Variants in ADARB2 observed in about 807,000 individuals in gnomAD.
ADARB2 encodes inactive double-stranded RNA-specific editase B2.
A neutral mutation model predicts 62.2 loss-of-function variants in ADARB2; 25 were observed. The observed-to-expected ratio is 0.40, with a 90% confidence interval of 0.29 to 0.56. ADARB2 has a LOEUF of 0.56. Ranked by LOEUF, ADARB2 falls within the 20% of genes least tolerant of loss-of-function variation. The pLI, the probability that ADARB2 is intolerant of heterozygous loss-of-function variation, is 0.43. For synonymous variants in ADARB2, 572 were observed against 500.8 expected (o/e 1.14, Z -1.90); for missense variants, 1,071 against 1,077.4 (o/e 0.99, Z 0.08).
intron 1 of ADARB2, among the ~76,000 whole-genome samples, chr10:1,599,619 G>C (rs1375799260): frequency 1.3e-5 from 2 of 152,226 alleles, no homozygotes; most frequent in African/African-American, 4.8e-5. Context: ...AACCCTCCCA[G>C]TTGGACTTTA....
chr10:1,259,624 C>T (rs999116023), intron 4 of ADARB2, among the ~76,000 whole-genome samples: 4 of 152,202 alleles, frequency 2.6e-5, no homozygotes, highest in African/African-American at 9.6e-5. Context: ...TCTGAATAGA[C>T]CAATAACAGG....
intron 1 of ADARB2, among the ~76,000 whole-genome samples, chr10:1,517,788 G>A (rs765436385): frequency 1.2e-4 from 19 of 152,088 alleles, no homozygotes; most frequent in Admixed American, 5.2e-4. Context: ...GTCTTCGGTC[G>A]TATGATCAGC....
intron 8 of ADARB2, among the ~76,000 whole-genome samples, chr10:1,185,545 A>T (rs1431231090): frequency 6.6e-6 from 1 of 152,216 alleles, no homozygotes; most frequent in Non-Finnish European, 1.5e-5. Flanking sequence ...TGAGTGTAGG[A>T]TCAATTGATC....
At chr10:1,661,817 A>G (rs1834252136) in intron 1 of ADARB2, among the ~76,000 whole-genome samples, 1 of 152,190 alleles carries the variant, frequency 6.6e-6, no homozygotes, top group African/African-American at 2.4e-5. Context: ...AAATTTCCCA[A>G]GTGCAAAGGG....
At chr10:1,361,093 G>A (rs1185160933) in intron 3 of ADARB2, 1 of 152,232 alleles carries the variant, frequency 6.6e-6, no homozygotes, top group African/African-American at 2.4e-5. Context: ...ATGGGTGGTG[G>A]GGCTTCTCAG....
chr10:1,472,970 C>T (rs1831346392), intron 1 of ADARB2, among the ~76,000 whole-genome samples: 1 of 152,142 alleles, frequency 6.6e-6, no homozygotes, highest in African/African-American at 2.4e-5. Context: ...ATGCTTGGGA[C>T]TGGTGATCAG....
intron 1 of ADARB2, among the ~76,000 whole-genome samples, chr10:1,681,514 G>A (rs889278123): frequency 6.6e-6 from 1 of 151,912 alleles, no homozygotes; most frequent in African/African-American, 2.4e-5. Flanking sequence ...CCAGGAATTA[G>A]GCCACCTAGA....
At chr10:1,510,493 T>C (rs1160052653) in intron 1 of ADARB2, among the ~76,000 whole-genome samples, 1 of 152,162 alleles carries the variant, frequency 6.6e-6, no homozygotes, top group Non-Finnish European at 1.5e-5. Context: ...AGAAGTGATT[T>C]CTGGCTGTTG....
Position 1,481,652 on chromosome 10 carries a change from T to A in ADARB2, c.101-102492A>T, listed in dbSNP as rs539487780. Among the ~76,000 whole-genome samples the A allele has an allele frequency of 1.5e-4, 23 of 149,496 alleles. No individual in the cohort carries two copies. The South Asian group carries it at 2.3e-3, about 15-fold the overall frequency. On this transcript the variant is annotated intron_variant, in intron 1 of 9. Transcript: ENST00000381312. ...AGTGTGCGGATCACGAGGTCAGGAGTTCAAGACCAGCCTGGCCAACATGGT... is the reference window on the plus strand; with the variant it reads ...AGTGTGCGGATCACGAGGTCAGGAGATCAAGACCAGCCTGGCCAACATGGT...
At chr10:1,251,797 TCAGA>T (rs1831039810) in intron 4 of ADARB2, among the ~76,000 whole-genome samples, 1 of 152,070 alleles carries the variant, frequency 6.6e-6, no homozygotes, top group South Asian at 2.1e-4. Flanking sequence ...AAAAGAGACT[TCAGA>T]CAGAGTCCAG....
chr10:1,604,145 C>T (rs187043396), intron 1 of ADARB2, among the ~76,000 whole-genome samples: 6 of 152,138 alleles, frequency 3.9e-5, no homozygotes, highest in Admixed American at 2.0e-4. Context: ...AATACTCAGT[C>T]ATCAATCAGC....
intron 1 of ADARB2, among the ~76,000 whole-genome samples, chr10:1,463,706 G>A (rs905163194): frequency 6.6e-6 from 1 of 152,176 alleles, no homozygotes; most frequent in African/African-American, 2.4e-5. Context: ...GCCTTACTAA[G>A]AACTTGTGCT....
At chr10:1,508,945 T>C (rs1831885864) in intron 1 of ADARB2, among the ~76,000 whole-genome samples, 2 of 152,132 alleles carry the variant, frequency 1.3e-5, no homozygotes, top group Admixed American at 6.5e-5. Context: ...AGGTGAGAAG[T>C]CGTCTGGCCC....
chr10:1,575,550 C>T (rs1832999331), intron 1 of ADARB2, among the ~76,000 whole-genome samples: 1 of 152,252 alleles, frequency 6.6e-6, no homozygotes, highest in African/African-American at 2.4e-5. Context: ...GAGCCCCTTC[C>T]TGTTTGCACA....
At chr10:1,349,264 C>T (rs1832111396) in intron 3 of ADARB2, among the ~76,000 whole-genome samples, 1 of 152,112 alleles carries the variant, frequency 6.6e-6, no homozygotes, top group Admixed American at 6.5e-5. Flanking sequence ...AACCCCCCTT[C>T]TTCCTTTACC....
chr10:1,538,772 C>A (rs1182751161), intron 1 of ADARB2, among the ~76,000 whole-genome samples: 2 of 152,342 alleles, frequency 1.3e-5, no homozygotes, highest in East Asian at 1.9e-4. Flanking sequence ...AGGAACTCAG[C>A]AGAAATCAGG....
intron 1 of ADARB2, among the ~76,000 whole-genome samples, chr10:1,448,350 A>G (rs1044606261): frequency 2.0e-5 from 3 of 152,156 alleles, no homozygotes; most frequent in African/African-American, 7.2e-5. Context: ...CAAAGTGAAC[A>G]TGGGTTTTAT....
intron 1 of ADARB2, among the ~76,000 whole-genome samples, chr10:1,710,517 G>C (rs1161328156): frequency 6.6e-6 from 1 of 152,230 alleles, no homozygotes; most frequent in Admixed American, 6.5e-5. Flanking sequence ...TGGGAATCCA[G>C]CCTGCACTTG....
At chr10:1,609,013 AT>A (rs2132019536) in intron 1 of ADARB2, among the ~76,000 whole-genome samples, 1 of 152,242 alleles carries the variant, frequency 6.6e-6, no homozygotes, top group South Asian at 2.1e-4. Context: ...TGCACGGCTA[AT>A]GCAGAAGGCT....
Sources: gnomAD v4.1 joint callset for allele counts (sites outside exome capture counted in the v4.1 genomes callset) on GRCh38, gnomAD v4.1.1 for gene constraint, MANE v1.5 for transcripts, NCBI Gene and HGNC (gene_info 2026-07-23, HGNC 2026-07-21) for gene names.